SLC22A23: variants seen among roughly 807,000 people sequenced by gnomAD.
SLC22A23 encodes the protein ion transporter protein.
Under a neutral mutation model 61.0 loss-of-function variants are expected in SLC22A23, and 26 were observed. That is an observed-to-expected ratio of 0.43 (90% CI 0.31 to 0.59). SLC22A23 has a LOEUF of 0.59. Ranked by LOEUF, SLC22A23 falls within the 20% of genes least tolerant of loss-of-function variation. SLC22A23 has a pLI of 0.11. For synonymous variants in SLC22A23, 430 were observed against 413.9 expected (o/e 1.04, Z -0.47); for missense variants, 796 against 934.7 (o/e 0.85, Z 1.94).
At position 3,274,913 on chromosome 6, in the gene SLC22A23, T is replaced by C. The variant is rs368438439; in HGVS notation, c.1704-1501A>G. ...TATAAAGATGGTAATTTTTCCCAAA[T>C]TGATCTATACATTCCACATAATCCC... On this transcript the variant is annotated intron_variant, in intron 9 of 9. Coordinates refer to ENST00000406686, the MANE Select transcript of SLC22A23 (RefSeq NM_015482.2). Among the ~76,000 whole-genome samples the C allele has an allele frequency of 3.1e-4, 47 of 151,756 alleles. No homozygotes were observed. The East Asian group carries it at 7.9e-3, about 26-fold the overall frequency.
intron 3 of SLC22A23, among the ~76,000 whole-genome samples, chr6:3,351,365 GA>G (rs1216480169): frequency 9.9e-5 from 15 of 152,164 alleles, no homozygotes; most frequent in Non-Finnish European, 5.9e-5. Context: ...AGGGGCGAAG[GA>G]AAAGGGTTGG....
At chr6:3,298,711 G>A (rs1350545441) in intron 4 of SLC22A23, among the ~76,000 whole-genome samples, 1 of 152,128 alleles carries the variant, frequency 6.6e-6, no homozygotes, top group Non-Finnish European at 1.5e-5. Flanking sequence ...GGTGGCTCAC[G>A]CCTGTAATCC....
chr6:3,393,470 A>G (rs1767798678), intron 3 of SLC22A23, among the ~76,000 whole-genome samples: 1 of 152,190 alleles, frequency 6.6e-6, no homozygotes. Flanking sequence ...GTGCTGGACT[A>G]TTGGGCAGTG....
At chr6:3,439,134 T>C (rs1280143482) in intron 1 of SLC22A23, among the ~76,000 whole-genome samples, 2 of 152,150 alleles carry the variant, frequency 1.3e-5, no homozygotes, top group African/African-American at 4.8e-5. Flanking sequence ...GGATCATCCC[T>C]TGTGGTGTGG....
chr6:3,278,002 G>GA (rs1276762612), intron 9 of SLC22A23, among the ~76,000 whole-genome samples: 1 of 152,250 alleles, frequency 6.6e-6, no homozygotes, highest in African/African-American at 2.4e-5. Context: ...AGCCCGTGAG[G>GA]AAACAGCCTA....
intron 3 of SLC22A23, among the ~76,000 whole-genome samples, chr6:3,346,592 T>C (rs763942003): frequency 6.6e-6 from 1 of 152,206 alleles, no homozygotes; most frequent in African/African-American, 2.4e-5. Flanking sequence ...CTTTAAACCC[T>C]TGTGTTGGCA....
chr6:3,455,816 C>G (rs980064973), intron 1 of SLC22A23, 90 bp downstream of exon 1: 1 of 1,419,628 alleles, frequency 7.0e-7, no homozygotes, highest in Non-Finnish European at 9.3e-7. Context: ...AGCACCACCA[C>G]TTTGGGGACT....
Position 3,286,781 on chromosome 6 carries a change from T to G in SLC22A23, c.1546+78A>C, listed in dbSNP as rs1581610487. The G allele has an allele frequency of 1.6e-6, 2 of 1,248,298 alleles. No homozygotes were observed. The highest frequency in any genetic ancestry group is 5.0e-5 in the East Asian group (2 of 39,618). 77.3% of individuals were successfully genotyped at this position (1,248,298 alleles called of 1,614,324 possible). The stretch of plus-strand genomic sequence containing the variant: ...GATTTTAGAGTGGCCAGCGGAGTCT[T>G]ATGCAGCCCTTTCAAATGCCCTTGG... On this transcript the variant is annotated intron_variant, in intron 7 of 9. Transcript: ENST00000406686. The surrounding 1 kb of genome is among the most constrained non-coding windows in gnomAD (Gnocchi z 4.2).
chr6:3,409,200 C>T (rs1187643668), intron 3 of SLC22A23, among the ~76,000 whole-genome samples: 1 of 152,198 alleles, frequency 6.6e-6, no homozygotes, highest in East Asian at 1.9e-4. Flanking sequence ...TAAGAAACTA[C>T]AATTCAGTTA....
intron 3 of SLC22A23, among the ~76,000 whole-genome samples, chr6:3,340,584 T>C (rs1764096344): frequency 6.6e-6 from 1 of 152,180 alleles, no homozygotes; most frequent in Non-Finnish European, 1.5e-5. Flanking sequence ...AACCACAGTA[T>C]GAGGAGCTTT....
chr6:3,410,939 A>G lies in SLC22A23; in HGVS notation c.759-597T>C, dbSNP rs150613904. Among the ~76,000 whole-genome samples, 279 of 152,372 alleles carry G rather than the reference A, an allele frequency of 1.8e-3. 4 individuals carry two copies. The highest frequency in any genetic ancestry group is 6.2e-3 in the African/African-American group (259 of 41,594). ...AAGACAGCGTGAACTTTAAATGCCC[A>G]GTGACCTGATAGTGAGCTGACAGTG... is the stretch of plus-strand genomic sequence containing the variant. On this transcript the variant is annotated intron_variant, in intron 2 of 9. Transcript: ENST00000406686. This position sits in a 1 kb window ranked among gnomAD's most constrained non-coding sequence, Gnocchi z 5.0.
intron 9 of SLC22A23, among the ~76,000 whole-genome samples, chr6:3,277,367 T>G (rs930066276): frequency 7.1e-6 from 1 of 141,660 alleles, no homozygotes; most frequent in Non-Finnish European, 1.5e-5. Context: ...CCGCCCACCC[T>G]CACCCTTCCA....
chr6:3,389,329 T>C (rs1767518519), intron 3 of SLC22A23, among the ~76,000 whole-genome samples: 1 of 143,482 alleles, frequency 7.0e-6, no homozygotes, highest in Non-Finnish European at 1.5e-5. Flanking sequence ...CTGAATGGCA[T>C]GACAGAAGCA....
At chr6:3,354,188 C>T (rs576369997) in intron 3 of SLC22A23, among the ~76,000 whole-genome samples, 2 of 152,366 alleles carry the variant, frequency 1.3e-5, no homozygotes, top group South Asian at 2.1e-4. Context: ...CACACAGGCT[C>T]ACACAAACAC....
At chr6:3,299,398 G>A (rs1761415089) in intron 4 of SLC22A23, among the ~76,000 whole-genome samples, 1 of 152,132 alleles carries the variant, frequency 6.6e-6, no homozygotes, top group Non-Finnish European at 1.5e-5. Context: ...ACTGTCCCGG[G>A]GTTTCCTTCA....
intron 1 of SLC22A23, among the ~76,000 whole-genome samples, chr6:3,447,779 G>A (rs1771973326): frequency 6.6e-6 from 1 of 151,426 alleles, no homozygotes; most frequent in Non-Finnish European, 1.5e-5. Context: ...TAGTAGAGAT[G>A]GGGTTTCACT....
chr6:3,384,960 T>C (rs2127478880), intron 3 of SLC22A23, among the ~76,000 whole-genome samples: 1 of 152,350 alleles, frequency 6.6e-6, no homozygotes, highest in Non-Finnish European at 1.5e-5. Context: ...GAGGACATTA[T>C]GCTCAGTGGA....
At chr6:3,285,916 G>A (rs1759952108) in intron 7 of SLC22A23, among the ~76,000 whole-genome samples, 1 of 152,174 alleles carries the variant, frequency 6.6e-6, no homozygotes, top group Non-Finnish European at 1.5e-5. Flanking sequence ...TCCTGAGCCT[G>A]TCCCAGGAGG....
chr6:3,313,709 C>T (rs1484250080), intron 4 of SLC22A23: 2 of 152,294 alleles, frequency 1.3e-5, no homozygotes, highest in African/African-American at 2.4e-5. Context: ...AGGCTGATAC[C>T]TGCTGGATTA....
Sources: allele counts gnomAD v4.1 joint callset (sites outside exome capture counted in the v4.1 genomes callset), GRCh38; gene constraint gnomAD v4.1.1; non-coding constraint Gnocchi (gnomAD v3.1); transcripts MANE v1.5; gene names NCBI Gene and HGNC (gene_info 2026-07-23, HGNC 2026-07-21).